The following NBPF26 variants were observed in gnomAD, a reference collection of about 807,000 sequenced individuals.
The protein encoded by NBPF26 is NBPF member 26.
A neutral mutation model predicts 119.6 loss-of-function variants in NBPF26; 79 were observed. The ratio of observed to expected loss-of-function variants is 0.66; its 90% confidence interval spans 0.55 to 0.80. NBPF26 has a LOEUF of 0.80. Ranked by LOEUF, NBPF26 falls within the 30% of genes least tolerant of loss-of-function variation. The pLI is 0.00. For missense variants in NBPF26, 800 were observed against 1,198.2 expected (o/e 0.67, Z 4.91); for synonymous variants, 299 against 457.7 (o/e 0.65, Z 4.43).
intron 4 of NBPF26, 90 bp downstream of exon 4, chr1:120,793,586 G>A (rs878887050): frequency 0.014 from 14,452 of 1,009,624 alleles, 2,404 homozygotes; most frequent in Non-Finnish European, 0.016. Flanking sequence ...TTTAGGAAGC[G>A]CAAGGAAAAA....
intron 15 of NBPF26, among the ~76,000 whole-genome samples, chr1:120,820,447 AATATATAT>A (rs1229895629): frequency 0.026 from 286 of 10,832 alleles, 80 homozygotes; most frequent in South Asian, 0.041. Flanking sequence ...AAGTATTAAA[AATATATAT>A]ATATATATAT....
Position 120,822,029 on chromosome 1 carries a change from A to G in NBPF26, c.2424-75A>G. 1.4e-6 allele frequency: 2 copies of G among 1,436,496 alleles called. 1 individual carries two copies. The highest frequency in any genetic ancestry group is 1.9e-6 in the Non-Finnish European group (2 of 1,071,882). The allele number at this position is 1,436,496 out of a possible 1,614,324, so 89.0% of individuals were successfully genotyped here. A position where few individuals can be genotyped will look rare whatever the true frequency, so the allele number is the denominator to read the frequency against. ...ACCACTCCATTCTGTCTCCCATCAG[A>G]TCATCTGGGAGGTTTTGTTGTCTAA... On this transcript the variant is annotated intron_variant, in intron 15 of 29. Coordinates refer to ENST00000620612, the Ensembl canonical transcript of NBPF26.
chr1:120,770,175 G>C (rs1402863118), intron 2 of NBPF26, among the ~76,000 whole-genome samples: 1 of 97,474 alleles, frequency 1.0e-5, no homozygotes, highest in Non-Finnish European at 2.0e-5. Flanking sequence ...GTTTTTTGTT[G>C]TTGTTTTTTT....
At chr1:120,808,363 C>G (rs1651760951) in intron 6 of NBPF26, among the ~76,000 whole-genome samples, 182 bp from the exon 7 acceptor site, 1 of 119,598 alleles carries the variant, frequency 8.4e-6, no homozygotes, top group South Asian at 2.5e-4. Context: ...CTCTCTGATA[C>G]AGAGGAAGCC....
exon 14 of NBPF26, chr1:120,816,808 T>A: frequency 6.9e-7 from 1 of 1,444,560 alleles, no homozygotes; most frequent in Non-Finnish European, 9.3e-7. Context: ...AATGGGAGGA[T>A]GCTGTACACA....
Position 120,840,465 on chromosome 1 carries a change from A to C in NBPF26, c.4219A>C (p.Arg1407=), listed in dbSNP as rs1553273500. 9.8e-4 allele frequency: 1,445 copies of C among 1,478,730 alleles called. 344 individuals are homozygous for C. In the African/African-American group the frequency reaches 0.022, roughly 22 times the overall value. 91.6% of individuals were successfully genotyped at this position (1,478,730 alleles called of 1,614,324 possible). Residue 1407 remains arginine, a synonymous_variant, in exon 30 of 30, where the codon AGA becomes CGA. Transcript: ENST00000620612. ...ACTACCTGACTCATTCCAGCACTAC[A>C]GAAGTGTGTTTTACTCATTTGAGGA...
rs1651592102 is a variant in NBPF26 at position 120,802,323 on chromosome 1, G to A, written c.752-3233G>A. 2.4e-5 allele frequency among the ~76,000 whole-genome samples: 3 copies of A among 125,876 alleles called. No homozygotes were observed. In the South Asian group the frequency reaches 7.2e-4, roughly 30 times the overall value. 82.6% of individuals were successfully genotyped at this position (125,876 alleles called of 152,430 possible). On this transcript the variant is annotated intron_variant, in intron 4 of 29. Coordinates refer to ENST00000620612, the Ensembl canonical transcript of NBPF26. ...GCTGTTTCTTACTCTGATCAACTTG[G>A]GGGTAGGACCCATTGAGCTGCATCA...
intron 2 of NBPF26, among the ~76,000 whole-genome samples, chr1:120,779,621 C>T (rs1362840750): frequency 2.5e-5 from 3 of 121,548 alleles, no homozygotes; most frequent in South Asian, 2.5e-4. Context: ...TTAGAATATA[C>T]ACCTTTAGTT....
At chr1:120,760,206 G>C (rs1207572249) in intron 1 of NBPF26, among the ~76,000 whole-genome samples, 1 of 37,204 alleles carries the variant, frequency 2.7e-5, no homozygotes, top group East Asian at 5.3e-4. Context: ...TTTTTTTTTT[G>C]AGATGGAGTC....
exon 4 of NBPF26, chr1:120,793,416 C>A: frequency 2.8e-6 from 4 of 1,442,046 alleles, no homozygotes; most frequent in Non-Finnish European, 1.9e-6. Context: ...CTGTATGTGC[C>A]CTGTGCACAC....
rs1206519597 is a variant in NBPF26, at chr1:120,811,018, A to T, written c.1564+460A>T. On this transcript the variant is annotated intron_variant, in intron 9 of 29. Coordinates refer to ENST00000620612, the Ensembl canonical transcript of NBPF26. ...CACTTTGGGAGGCCGAGGCGGGTGG[A>T]TCATGAGGTCAGGAGATTGAGACCA... Among the ~76,000 whole-genome samples the T allele has an allele frequency of 5.8e-5, 6 of 103,928 alleles. 2 individuals carry two copies. Among genetic ancestry groups the T allele is most frequent in the Non-Finnish European group, 1.8e-5 (1 of 54,620 alleles). The allele number at this position is 103,928 out of a possible 152,430, so 68.2% of individuals were successfully genotyped here.
At position 120,728,008 on chromosome 1, in the gene NBPF26, T is replaced by C. The variant is rs1457809571; in HGVS notation, c.73+3758T>C. Among the ~76,000 whole-genome samples the C allele has an allele frequency of 3.4e-5, 4 of 119,128 alleles. 1 individual carries two copies. The highest frequency in any genetic ancestry group is 1.4e-4 in the African/African-American group (3 of 21,002). 78.2% of individuals were successfully genotyped at this position (119,128 alleles called of 152,430 possible). A position where few individuals can be genotyped will look rare whatever the true frequency, so the allele number is the denominator to read the frequency against. ...GTCCTCCATTTTCTGATGTTCATTGTTCATGGTCACAGAGCCAATTAGAGT... is the reference window on the plus strand; with the variant it reads ...GTCCTCCATTTTCTGATGTTCATTGCTCATGGTCACAGAGCCAATTAGAGT... On this transcript the variant is annotated intron_variant, in intron 1 of 29. Coordinates refer to ENST00000620612, the Ensembl canonical transcript of NBPF26.
In NBPF26 at chr1:120,777,659, C is replaced by CT. The variant is rs1222639788; in HGVS notation, c.156-7305dup. 6.7e-4 allele frequency among the ~76,000 whole-genome samples: 37 copies of CT among 54,870 alleles called. 2 individuals carry two copies. The highest frequency in any genetic ancestry group is 1.4e-3 in the African/African-American group (8 of 5,716). The allele number at this position is 54,870 out of a possible 152,430, so 36.0% of individuals were successfully genotyped here. A position where few individuals can be genotyped will look rare whatever the true frequency, so the allele number is the denominator to read the frequency against. On this transcript the variant is annotated intron_variant, in intron 2 of 29. Transcript: ENST00000620612. Reference sequence around the variant, plus strand: ...GCTATAGTATTTCCTTTTTTTCTTTCTTTTTTTTTTGAGAGAAGGGGGGGT... The same window carrying CT: ...GCTATAGTATTTCCTTTTTTTCTTTCTTTTTTTTTTTGAGAGAAGGGGGGGT...
Position 120,807,326 on chromosome 1 carries a change from C to T in NBPF26, c.962-281C>T, listed in dbSNP as rs1308319830. ...AAGTGGCCCCGCATTCAGAGTCAGA[C>T]CTCAGGGACTGTGAGTTCTGACTCC... On this transcript the variant is annotated intron_variant, in intron 5 of 29. Coordinates refer to ENST00000620612, the Ensembl canonical transcript of NBPF26. 3.2e-5 allele frequency among the ~76,000 whole-genome samples: 4 copies of T among 125,212 alleles called. No homozygotes were observed. In the East Asian group the frequency reaches 8.0e-4, roughly 25 times the overall value. The allele number at this position is 125,212 out of a possible 152,430, so 82.1% of individuals were successfully genotyped here.
rs1651103926 is a variant in NBPF26, at chr1:120,758,934, G to T, written c.74-4694G>T. On this transcript the variant is annotated intron_variant, in intron 1 of 29. Coordinates refer to ENST00000620612, the Ensembl canonical transcript of NBPF26. ...ACACTCCTGCACCCCCAGCCTTCAT[G>T]ATTGCTTTTTATACATTACTGGGTT... Among the ~76,000 whole-genome samples, 2 of 99,722 alleles carry T rather than the reference G, an allele frequency of 2.0e-5. 1 individual carries two copies. The highest frequency in any genetic ancestry group is 5.8e-4 in the South Asian group (2 of 3,460). 65.4% of individuals were successfully genotyped at this position (99,722 alleles called of 152,430 possible). A position where few individuals can be genotyped will look rare whatever the true frequency, so the allele number is the denominator to read the frequency against.
At chr1:120,813,732 G>T (rs1368862301) in intron 10 of NBPF26, among the ~76,000 whole-genome samples, 159 bp from the exon 11 acceptor site, 9 of 127,100 alleles carry the variant, frequency 7.1e-5, no homozygotes, top group African/African-American at 1.4e-4. Flanking sequence ...ATGCCAGAAA[G>T]TCAGGAGACT....
At position 120,832,968 on chromosome 1, in the gene NBPF26, AC is replaced by A; in HGVS notation, c.3359del (p.Pro1120HisfsTer36). ...AGAAAAGAAGGGGAAGAAGATCAAA[AC>A]CCACCATGCCCCAGGTGACTTTCGC... is the stretch of plus-strand genomic sequence containing the variant. On this transcript the variant is annotated frameshift_variant, in exon 23 of 30. Transcript: ENST00000620612. LOFTEE classifies it high-confidence loss of function. 9.2e-7 allele frequency: 1 copy of A among 1,087,350 alleles called. No individual in the cohort carries two copies. The highest frequency in any genetic ancestry group is 1.3e-6 in the Non-Finnish European group (1 of 760,892). 67.4% of individuals were successfully genotyped at this position (1,087,350 alleles called of 1,614,324 possible). A position where few individuals can be genotyped will look rare whatever the true frequency, so the allele number is the denominator to read the frequency against.
Position 120,822,040 on chromosome 1 carries a change from G to A in NBPF26, c.2424-64G>A. 3 of 1,445,530 alleles carry A rather than the reference G, an allele frequency of 2.1e-6. 1 individual carries two copies. Among genetic ancestry groups the A allele is most frequent in the Middle Eastern group, 4.9e-4 (2 of 4,116 alleles). 89.5% of individuals were successfully genotyped at this position (1,445,530 alleles called of 1,614,324 possible). On this transcript the variant is annotated intron_variant, in intron 15 of 29. Transcript: ENST00000620612. The stretch of plus-strand genomic sequence containing the variant: ...CTGTCTCCCATCAGATCATCTGGGA[G>A]GTTTTGTTGTCTAAAGTCTGTTGGT...
rs1466739676 is a variant in NBPF26 at position 120,803,296 on chromosome 1, C to A, written c.752-2260C>A. Among the ~76,000 whole-genome samples, 5 of 138,114 alleles carry A rather than the reference C, an allele frequency of 3.6e-5. No individual in the cohort carries two copies. The East Asian group carries it at 7.7e-4, about 21-fold the overall frequency. 90.6% of individuals were successfully genotyped at this position (138,114 alleles called of 152,430 possible). On this transcript the variant is annotated intron_variant, in intron 4 of 29. Transcript: ENST00000620612. ...TTCTAAATAGAGCAAAGTGTAAAAT[C>A]TTCTCCATAAGACATACATTGTGGT...
Sources: gnomAD v4.1 joint callset for allele counts (sites outside exome capture counted in the v4.1 genomes callset) on GRCh38, gnomAD v4.1.1 for gene constraint, MANE v1.5 for transcripts, NCBI Gene and HGNC (gene_info 2026-07-23, HGNC 2026-07-21) for gene names.